Variants in NLGN1 observed in about 807,000 individuals in gnomAD.
NLGN1 encodes neuroligin 1.
NLGN1 carries 12 observed loss-of-function variants against 65.5 expected under a neutral mutation model. That is an observed-to-expected ratio of 0.18 (90% confidence interval 0.12 to 0.30). The LOEUF is 0.30. Among genes scored for constraint, NLGN1 ranks in the 10% least tolerant of loss-of-function variants. The pLI, the probability that NLGN1 is intolerant of heterozygous loss-of-function variation, is 1.00. For synonymous variants in NLGN1, 350 were observed against 359.5 expected (o/e 0.97, Z 0.30); for missense variants, 750 against 1,007.1 (o/e 0.74, Z 3.46).
chr3:173,500,750 A>T (rs918441628), intron 2 of NLGN1, among the ~76,000 whole-genome samples: 2 of 151,830 alleles, frequency 1.3e-5, no homozygotes, highest in East Asian at 3.9e-4. Flanking sequence ...GGTCTATTAA[A>T]TACCTTATTT....
At chr3:174,046,171 C>T (rs1445802918) in intron 4 of NLGN1, among the ~76,000 whole-genome samples, 1 of 152,136 alleles carries the variant, frequency 6.6e-6, no homozygotes, top group Non-Finnish European at 1.5e-5. Flanking sequence ...AAGCTCCATA[C>T]TATATTTCCT....
intron 2 of NLGN1, among the ~76,000 whole-genome samples, chr3:173,492,657 A>G (rs1333654982): frequency 6.6e-6 from 1 of 151,856 alleles, no homozygotes; most frequent in Non-Finnish European, 1.5e-5. Context: ...CAAGAAATAT[A>G]ATTGGCAAGG....
intron 2 of NLGN1, among the ~76,000 whole-genome samples, chr3:173,512,730 C>A (rs994095776): frequency 2.6e-5 from 4 of 152,262 alleles, no homozygotes; most frequent in Middle Eastern, 3.4e-3. Context: ...TTGCCAGGGA[C>A]CAACCCCTGT....
intron 1 of NLGN1, among the ~76,000 whole-genome samples, chr3:173,413,453 A>G (rs1713023399): frequency 6.6e-6 from 1 of 152,038 alleles, no homozygotes; most frequent in South Asian, 2.1e-4. Flanking sequence ...TACAAAAATA[A>G]GCTGGGCGTG....
chr3:173,822,816 A>G (rs1324876758), intron 4 of NLGN1, among the ~76,000 whole-genome samples: 2 of 152,110 alleles, frequency 1.3e-5, no homozygotes, highest in African/African-American at 4.8e-5. Context: ...GATACCATAT[A>G]ATTAAGAAAG....
At chr3:174,063,602 G>T (rs912399190) in intron 4 of NLGN1, among the ~76,000 whole-genome samples, 1 of 151,852 alleles carries the variant, frequency 6.6e-6, no homozygotes, top group Non-Finnish European at 1.5e-5. Context: ...ATGTCATGAG[G>T]TTCTTATATT....
chr3:173,589,359 T>G (rs1444030204), intron 2 of NLGN1, among the ~76,000 whole-genome samples: 1 of 152,210 alleles, frequency 6.6e-6, no homozygotes, highest in Non-Finnish European at 1.5e-5. Context: ...AGCTACCTGC[T>G]GAGGCCCATG....
chr3:173,886,211 T>G (rs1353769025), intron 4 of NLGN1, among the ~76,000 whole-genome samples: 1 of 152,010 alleles, frequency 6.6e-6, no homozygotes, highest in East Asian at 1.9e-4. Context: ...ACAGTATAAT[T>G]ATAGCAAGGC....
chr3:173,423,335 C>G (rs370289632), intron 1 of NLGN1, among the ~76,000 whole-genome samples: 42 of 152,246 alleles, frequency 2.8e-4, no homozygotes, highest in African/African-American at 1.0e-3. Flanking sequence ...ATTTCAAAAT[C>G]AATAATGCCT....
intron 2 of NLGN1, among the ~76,000 whole-genome samples, chr3:173,584,285 A>G (rs1350341123): frequency 6.6e-6 from 1 of 151,554 alleles, no homozygotes; most frequent in East Asian, 1.9e-4. Context: ...TGGGAAAAAA[A>G]AGTGAGATCC....
chr3:174,111,929 C>A (rs1003766655), intron 4 of NLGN1, among the ~76,000 whole-genome samples: 7 of 151,828 alleles, frequency 4.6e-5, no homozygotes, highest in African/African-American at 1.7e-4. Context: ...CTAAACATAT[C>A]GACTCTTGGA....
intron 1 of NLGN1, among the ~76,000 whole-genome samples, chr3:173,427,741 A>G (rs1716394110): frequency 6.6e-6 from 1 of 151,816 alleles, no homozygotes; most frequent in Non-Finnish European, 1.5e-5. Context: ...GATATGGTCT[A>G]TCCTGGAGAA....
chr3:173,588,486 C>A (rs1560009888), intron 2 of NLGN1, among the ~76,000 whole-genome samples: 1 of 152,112 alleles, frequency 6.6e-6, no homozygotes, highest in Non-Finnish European at 1.5e-5. Context: ...GGTAGCTAAC[C>A]TGTGTGATAG....
chr3:174,220,742 G>T (rs1738495186), intron 4 of NLGN1, among the ~76,000 whole-genome samples: 1 of 152,054 alleles, frequency 6.6e-6, no homozygotes, highest in African/African-American at 2.4e-5. Context: ...ACACATGGTT[G>T]TGCTTTCCCT....
intron 4 of NLGN1, among the ~76,000 whole-genome samples, chr3:174,066,500 A>G (rs781057894): frequency 2.0e-4 from 29 of 143,318 alleles, no homozygotes; most frequent in Admixed American, 7.8e-4. Context: ...CAGTTTTTAA[A>G]TAGATTATGG....
chr3:173,797,920 A>G (rs755080020), intron 3 of NLGN1, among the ~76,000 whole-genome samples: 4 of 152,092 alleles, frequency 2.6e-5, no homozygotes, highest in Non-Finnish European at 4.4e-5. Context: ...AGCTCTAAAT[A>G]CATGTAAAGT....
chr3:173,741,373 G>A (rs940435377), intron 3 of NLGN1, among the ~76,000 whole-genome samples: 4 of 152,092 alleles, frequency 2.6e-5, no homozygotes, highest in African/African-American at 4.8e-5. Context: ...TACCTACTAT[G>A]TGCCAGGTAA....
intron 2 of NLGN1, among the ~76,000 whole-genome samples, chr3:173,530,251 G>A (rs1364200104): frequency 2.0e-5 from 3 of 152,134 alleles, no homozygotes; most frequent in South Asian, 2.1e-4. Flanking sequence ...CACCATGCCC[G>A]ACCTTATGGG....
intron 3 of NLGN1, among the ~76,000 whole-genome samples, chr3:173,668,467 G>C (rs894073234): frequency 6.6e-6 from 1 of 152,032 alleles, no homozygotes; most frequent in African/African-American, 2.4e-5. Context: ...ATCTGGAAGG[G>C]ATTTGGAATT....
Sources: allele counts gnomAD v4.1 joint callset (sites outside exome capture counted in the v4.1 genomes callset), GRCh38; gene constraint gnomAD v4.1.1; transcripts MANE v1.5; gene names NCBI Gene and HGNC (gene_info 2026-07-23, HGNC 2026-07-21).